Variants in WWOX observed in about 807,000 individuals in gnomAD.
WWOX encodes WW domain-containing oxidoreductase.
A neutral mutation model predicts 46.2 loss-of-function variants in WWOX; 69 were observed. That is an observed-to-expected ratio of 1.49 (90% confidence interval 1.23 to 1.82). The LOEUF (loss-of-function observed/expected upper bound fraction) is 1.82, where lower values mean the gene tolerates loss of function less well. Ranked by LOEUF, WWOX falls within the 40% of genes most tolerant of loss-of-function variation. The probability of loss-of-function intolerance (pLI) is 0.00; values close to 1 mark genes in which losing one functional copy is unlikely to be tolerated. For missense variants in WWOX, 919 were observed against 542.6 expected (o/e 1.69, Z -6.89); for synonymous variants, 359 against 202.6 (o/e 1.77, Z -6.56).
At chr16:78,491,367 A>C (rs528817267) in intron 8 of WWOX, among the ~76,000 whole-genome samples, 2 of 152,294 alleles carry the variant, frequency 1.3e-5, no homozygotes, top group Admixed American at 6.5e-5. Context: ...TTGGCCTGAC[A>C]ACCTAATAGG....
At position 78,833,849 on chromosome 16, in the gene WWOX, G is replaced by C. The variant is rs893782030; in HGVS notation, c.1057-377759G>C. Among the ~76,000 whole-genome samples, 7 of 152,250 alleles carry C rather than the reference G, an allele frequency of 4.6e-5. No homozygotes were observed. The South Asian group carries it at 1.4e-3, about 31-fold the overall frequency. On this transcript the variant is annotated intron_variant, in intron 8 of 8. Coordinates refer to ENST00000566780, the MANE Select transcript of WWOX (RefSeq NM_016373.4). Reference sequence around the variant, plus strand: ...TGCAGGCTTCCAGCCAAGGTTTGCTGGCTCATGCGTTTCATGCCTTCTCTA... The same window carrying C: ...TGCAGGCTTCCAGCCAAGGTTTGCTCGCTCATGCGTTTCATGCCTTCTCTA...
rs553545217 is a variant in WWOX at position 78,465,029 on chromosome 16, A to G, written c.1056+32277A>G. On this transcript the variant is annotated intron_variant, in intron 8 of 8. Coordinates refer to ENST00000566780, the MANE Select transcript of WWOX (RefSeq NM_016373.4). ...TGGCAGCAGACAAGAAAGCGTGTGC[A>G]GGGGAACTGCCCTTTATAAAATCAC... Among the ~76,000 whole-genome samples the G allele has an allele frequency of 1.1e-4, 16 of 152,274 alleles. No individual in the cohort carries two copies. The South Asian group carries it at 3.3e-3, about 32-fold the overall frequency.
chr16:79,133,520 T>G (rs901080785), intron 8 of WWOX, among the ~76,000 whole-genome samples: 2 of 152,232 alleles, frequency 1.3e-5, no homozygotes, highest in Non-Finnish European at 2.9e-5. Context: ...ATATTTAAAC[T>G]TCAGGTCCTT....
At chr16:78,531,940 C>T (rs1402820056) in intron 8 of WWOX, among the ~76,000 whole-genome samples, 1 of 152,132 alleles carries the variant, frequency 6.6e-6, no homozygotes, top group Non-Finnish European at 1.5e-5. Flanking sequence ...CTCCCTTTCC[C>T]ACCTTCCCAA....
At chr16:78,844,598 C>G (rs1270277314) in intron 8 of WWOX, among the ~76,000 whole-genome samples, 2 of 151,810 alleles carry the variant, frequency 1.3e-5, no homozygotes, top group Non-Finnish European at 2.9e-5. Flanking sequence ...GAGGGAAAGA[C>G]CGCAGAATTC....
chr16:78,595,785 T>C (rs1271573018), intron 8 of WWOX, among the ~76,000 whole-genome samples: 1 of 152,208 alleles, frequency 6.6e-6, no homozygotes, highest in Non-Finnish European at 1.5e-5. Flanking sequence ...CCTTTATTAT[T>C]TGTGATGAGA....
At chr16:78,461,336 C>T (rs2083942379) in intron 8 of WWOX, among the ~76,000 whole-genome samples, 1 of 151,900 alleles carries the variant, frequency 6.6e-6, no homozygotes, top group African/African-American at 2.4e-5. Context: ...ATGAGGAACT[C>T]ATCGGTAAGG....
At chr16:78,820,057 C>G (rs1377047548) in intron 8 of WWOX, among the ~76,000 whole-genome samples, 1 of 152,086 alleles carries the variant, frequency 6.6e-6, no homozygotes, top group East Asian at 1.9e-4. Flanking sequence ...TACTATTTAC[C>G]TCTGTACTGT....
At chr16:78,163,846 T>G (rs1186114304) in intron 4 of WWOX, among the ~76,000 whole-genome samples, 1 of 152,212 alleles carries the variant, frequency 6.6e-6, no homozygotes, top group Admixed American at 6.5e-5. Flanking sequence ...TGTCCCAGTC[T>G]TCATCTTTGA....
At chr16:78,863,884 CT>C (rs1191344250) in intron 8 of WWOX, among the ~76,000 whole-genome samples, 2 of 152,216 alleles carry the variant, frequency 1.3e-5, no homozygotes, top group African/African-American at 4.8e-5. Flanking sequence ...GCCTCCTCCA[CT>C]TAGCATCGTG....
At chr16:78,896,611 T>G (rs1027009022) in intron 8 of WWOX, 1 of 152,168 alleles carries the variant, frequency 6.6e-6, no homozygotes, top group Non-Finnish European at 1.5e-5. Context: ...CAAAGCTTGA[T>G]GTACTCAGAT....
intron 8 of WWOX, among the ~76,000 whole-genome samples, chr16:78,544,178 G>T (rs530651845): frequency 2.3e-4 from 35 of 152,272 alleles, no homozygotes; most frequent in African/African-American, 7.5e-4. Context: ...AAAAAATTGA[G>T]TTTTGAGAGC....
intron 8 of WWOX, among the ~76,000 whole-genome samples, chr16:79,012,091 A>G (rs1214980682): frequency 1.3e-5 from 2 of 152,206 alleles, no homozygotes; most frequent in Non-Finnish European, 2.9e-5. Context: ...GACACTGGGT[A>G]GGAGGCTTTT....
At position 78,500,763 on chromosome 16, in the gene WWOX, C is replaced by G. The variant is rs72801947; in HGVS notation, c.1056+68011C>G. 6.5e-3 allele frequency among the ~76,000 whole-genome samples: 985 copies of G among 152,208 alleles called. 9 individuals carry two copies. Among genetic ancestry groups the G allele is most frequent in the South Asian group, 0.012 (59 of 4,826 alleles). Reference sequence around the variant, plus strand: ...TATCATTTAATTCGAAAGCTTTTTTCTATGATGAATTATTCAGGCAGTGTT... The same window carrying G: ...TATCATTTAATTCGAAAGCTTTTTTGTATGATGAATTATTCAGGCAGTGTT... On this transcript the variant is annotated intron_variant, in intron 8 of 8. Transcript: ENST00000566780.
At chr16:78,440,223 G>A (rs926873416) in intron 8 of WWOX, among the ~76,000 whole-genome samples, 25 of 152,172 alleles carry the variant, frequency 1.6e-4, no homozygotes, top group South Asian at 4.1e-4. Flanking sequence ...GGATCGTTGT[G>A]AGAAGAAGTG....
intron 8 of WWOX, among the ~76,000 whole-genome samples, chr16:78,458,554 T>C (rs9673695): frequency 0.12 from 17,580 of 152,150 alleles, 2,155 homozygotes; most frequent in African/African-American, 0.3. Flanking sequence ...AGCCACCATG[T>C]CAGGCCATTG....
At chr16:78,652,712 G>T (rs1216607992) in intron 8 of WWOX, among the ~76,000 whole-genome samples, 1 of 152,048 alleles carries the variant, frequency 6.6e-6, no homozygotes, top group African/African-American at 2.4e-5. Context: ...TGCCAAATTT[G>T]TTCTTTTCAG....
intron 6 of WWOX, among the ~76,000 whole-genome samples, chr16:78,418,133 G>T (rs186260962): frequency 6.6e-6 from 1 of 152,110 alleles, no homozygotes; most frequent in African/African-American, 2.4e-5. Context: ...GGCTGAGGTG[G>T]GTGGATCACG....
chr16:79,032,435 ATATAT>A (rs1196382384), intron 8 of WWOX, among the ~76,000 whole-genome samples: 1 of 147,304 alleles, frequency 6.8e-6, no homozygotes, highest in Non-Finnish European at 1.5e-5. Context: ...TTGAGAGTGT[ATATAT>A]TATATATGGG....
Sources: gnomAD v4.1 joint callset for allele counts (sites outside exome capture counted in the v4.1 genomes callset) on GRCh38, gnomAD v4.1.1 for gene constraint, MANE v1.5 for transcripts, NCBI Gene and HGNC (gene_info 2026-07-23, HGNC 2026-07-21) for gene names.